ALX4: variants seen among roughly 807,000 people sequenced by gnomAD.
ALX4 encodes ALX homeobox 4.
Under a neutral mutation model 40.6 loss-of-function variants are expected in ALX4, and 22 were observed. The observed-to-expected ratio is 0.54, with a 90% CI of 0.39 to 0.77. ALX4 has a LOEUF of 0.77. Among genes scored for constraint, ALX4 ranks in the 30% least tolerant of loss-of-function variants. The pLI is 0.00. For synonymous variants in ALX4, 266 were observed against 240.5 expected, an observed-to-expected ratio of 1.11 and a Z score of -0.98; for missense variants, 556 against 564.8, an observed-to-expected ratio of 0.98 and a Z score of 0.16.
chr11:44,281,640 G>A (rs1050897523), intron 1 of ALX4, among the ~76,000 whole-genome samples: 2 of 151,988 alleles, frequency 1.3e-5, no homozygotes, highest in Non-Finnish European at 2.9e-5. Context: ...GCTATTGAAA[G>A]GGCACTGACT....
chr11:44,300,958 G>A (rs1164843560), intron 1 of ALX4, among the ~76,000 whole-genome samples: 1 of 152,234 alleles, frequency 6.6e-6, no homozygotes. Context: ...GGGCAAGCCA[G>A]CCTGACCTTC....
intron 1 of ALX4, among the ~76,000 whole-genome samples, chr11:44,289,837 G>A (rs769008239): frequency 2.0e-5 from 3 of 152,048 alleles, no homozygotes; most frequent in South Asian, 2.1e-4. Flanking sequence ...CCGGCTCCTC[G>A]TCCCATCCCC....
intron 1 of ALX4, among the ~76,000 whole-genome samples, chr11:44,277,075 T>C (rs566501903): frequency 3.3e-5 from 5 of 152,324 alleles, no homozygotes; most frequent in African/African-American, 1.2e-4. Context: ...CTACCCGCTA[T>C]GTGCCTCAGT....
intron 1 of ALX4, among the ~76,000 whole-genome samples, chr11:44,293,786 T>C (rs1019565760): frequency 6.6e-6 from 1 of 152,206 alleles, no homozygotes; most frequent in African/African-American, 2.4e-5. Context: ...CTATTACTCG[T>C]TCTGTTTAGA....
intron 1 of ALX4, among the ~76,000 whole-genome samples, chr11:44,282,644 T>C (rs1039472351): frequency 3.3e-5 from 5 of 151,988 alleles, no homozygotes; most frequent in Non-Finnish European, 7.4e-5. Context: ...GACTCCACAG[T>C]GAAAAGAAAG....
In ALX4 at chr11:44,264,313, CT is replaced by C; in HGVS notation, c.*540del. ...TTCGGGGGGAGGTGGAGGCTGGCGC[CT>C]TGGCCCCAGCAGGTCGGATTCCGTG... is the stretch of plus-strand genomic sequence containing the variant. On this transcript the variant is annotated 3_prime_UTR_variant, in exon 4 of 4. Transcript: ENST00000652299. The C allele has an allele frequency of 6.2e-6, 1 of 160,184 alleles. No individual in the cohort carries two copies. Among genetic ancestry groups the C allele is most frequent in the Non-Finnish European group, 1.4e-5 (1 of 73,220 alleles). 9.9% of individuals were successfully genotyped at this position (160,184 alleles called of 1,614,324 possible).
intron 1 of ALX4, among the ~76,000 whole-genome samples, chr11:44,292,228 C>CT (rs1056811775): frequency 3.0e-4 from 44 of 147,106 alleles, no homozygotes; most frequent in South Asian, 4.3e-4. Flanking sequence ...TATAAGATTG[C>CT]TTTTTTTTTT....
chr11:44,274,125 AT>A (rs1315250884), intron 2 of ALX4, among the ~76,000 whole-genome samples: 2 of 152,180 alleles, frequency 1.3e-5, no homozygotes, highest in Non-Finnish European at 2.9e-5. Context: ...GGGTGATAGA[AT>A]GAGACCCTGT....
chr11:44,262,727 G>A lies in ALX4; in HGVS notation c.*2127C>T, dbSNP rs1956189934. 6.6e-6 allele frequency: 1 copy of A among 152,164 alleles called. No individual in the cohort carries two copies. The allele number at this position is 152,164 out of a possible 1,614,324, so 9.4% of individuals were successfully genotyped here. On this transcript the variant is annotated 3_prime_UTR_variant, in exon 4 of 4. Transcript: ENST00000652299. The stretch of plus-strand genomic sequence containing the variant: ...TCTCTCATGGGTGAGAAAGACCCAA[G>A]GTGAAAGTTCCTTCCTTCCCCATCC...
At position 44,292,716 on chromosome 11, in the gene ALX4, T is replaced by G. The variant is rs575409511; in HGVS notation, c.466+16881A>C. 1.5e-4 allele frequency among the ~76,000 whole-genome samples: 23 copies of G among 152,308 alleles called. 1 individual carries two copies. The East Asian group carries it at 4.4e-3, about 29-fold the overall frequency. ...ATGACTGGGATTTGGAGTAGATGGG[T>G]TCCCAGGATTTTGCCTATCACATAT... On this transcript the variant is annotated intron_variant, in intron 1 of 3. Transcript: ENST00000652299.
intron 1 of ALX4, among the ~76,000 whole-genome samples, chr11:44,292,184 TG>T (rs1251317996): frequency 6.6e-6 from 1 of 151,972 alleles, no homozygotes; most frequent in Non-Finnish European, 1.5e-5. Flanking sequence ...TTTCTCCCCT[TG>T]GATGAGAAAG....
chr11:44,282,025 G>A (rs1956313318), intron 1 of ALX4, among the ~76,000 whole-genome samples: 1 of 152,222 alleles, frequency 6.6e-6, no homozygotes, highest in African/African-American at 2.4e-5. Flanking sequence ...AGGAAAGTCT[G>A]AGAAACTGCC....
At chr11:44,303,942 GA>G (rs1362042244) in intron 1 of ALX4, among the ~76,000 whole-genome samples, 16 of 152,324 alleles carry the variant, frequency 1.1e-4, no homozygotes, top group African/African-American at 3.8e-4. Flanking sequence ...CATCTGCAGA[GA>G]AGAGGTGTGC....
intron 1 of ALX4, among the ~76,000 whole-genome samples, chr11:44,299,827 G>A (rs1956425203): frequency 6.6e-6 from 1 of 152,154 alleles, no homozygotes; most frequent in Non-Finnish European, 1.5e-5. Context: ...GTCTCACTGT[G>A]GACGAGTTAC....
At chr11:44,265,312 G>A in intron 3 of ALX4, 129 bp from the exon 4 acceptor site, 1 of 920,246 alleles carries the variant, frequency 1.1e-6, no homozygotes, top group Non-Finnish European at 1.6e-6. Context: ...TGAGTGTTTA[G>A]CCTTGATGGA....
chr11:44,284,174 G>C (rs557291233), intron 1 of ALX4, among the ~76,000 whole-genome samples: 24 of 151,318 alleles, frequency 1.6e-4, no homozygotes, highest in Non-Finnish European at 1.5e-5. Flanking sequence ...TTCCAGAAGT[G>C]GCAATATGGG....
chr11:44,301,681 T>C (rs1029074192), intron 1 of ALX4, among the ~76,000 whole-genome samples: 8 of 152,134 alleles, frequency 5.3e-5, no homozygotes, highest in Non-Finnish European at 7.4e-5. Flanking sequence ...GGTGAGTGGA[T>C]TGGATTCCCC....
intron 1 of ALX4, among the ~76,000 whole-genome samples, chr11:44,289,955 C>T (rs1197426250): frequency 2.0e-5 from 3 of 152,294 alleles, no homozygotes; most frequent in Non-Finnish European, 4.4e-5. Context: ...GCAATACGTC[C>T]GCAGGGTTCA....
At position 44,295,359 on chromosome 11, in the gene ALX4, C is replaced by T. The variant is rs888395965; in HGVS notation, c.466+14238G>A. On this transcript the variant is annotated intron_variant, in intron 1 of 3. Coordinates refer to ENST00000652299, the MANE Select transcript of ALX4 (RefSeq NM_021926.4). ...CAAAGGCATCTGAAGCATCAAGCAG[C>T]CTGTGTAGCACAATTGTGGAATGAA... Among the ~76,000 whole-genome samples, 12 of 152,360 alleles carry T rather than the reference C, an allele frequency of 7.9e-5. No individual in the cohort carries two copies. In the East Asian group the frequency reaches 2.3e-3, roughly 29 times the overall value.
Sources: gnomAD v4.1 joint callset for allele counts (sites outside exome capture counted in the v4.1 genomes callset) on GRCh38, gnomAD v4.1.1 for gene constraint, MANE v1.5 for transcripts, NCBI Gene and HGNC (gene_info 2026-07-23, HGNC 2026-07-21) for gene names.